Variants in MCU observed in about 807,000 individuals in gnomAD.
MCU encodes calcium uniporter protein, mitochondrial.
MCU carries 12 observed loss-of-function variants against 45.2 expected under a neutral mutation model. The ratio of observed to expected loss-of-function variants is 0.27; its 90% confidence interval spans 0.17 to 0.43. The LOEUF (loss-of-function observed/expected upper bound fraction) is 0.43, where lower values mean the gene tolerates loss of function less well. Ranked by LOEUF, MCU falls within the 20% of genes least tolerant of loss-of-function variation. The pLI, the probability that MCU is intolerant of heterozygous loss-of-function variation, is 1.00. For missense variants in MCU, 324 were observed against 436.7 expected, an observed-to-expected ratio of 0.74 and a Z score of 2.30; for synonymous variants, 160 against 165.1, an observed-to-expected ratio of 0.97 and a Z score of 0.24.
At chr10:72,732,342 A>T (rs1843187778) in intron 1 of MCU, among the ~76,000 whole-genome samples, 1 of 152,200 alleles carries the variant, frequency 6.6e-6, no homozygotes, top group Non-Finnish European at 1.5e-5. Flanking sequence ...CTATTCATTT[A>T]GTTAATCTAT....
intron 1 of MCU, among the ~76,000 whole-genome samples, chr10:72,792,485 AG>A (rs1287116930): frequency 6.6e-6 from 1 of 152,136 alleles, no homozygotes; most frequent in Non-Finnish European, 1.5e-5. Context: ...GAACAAAGAA[AG>A]GTGGTCAGAG....
At chr10:72,759,412 TTA>T (rs758092770) in intron 1 of MCU, among the ~76,000 whole-genome samples, 11 of 152,168 alleles carry the variant, frequency 7.2e-5, no homozygotes, top group Non-Finnish European at 1.2e-4. Flanking sequence ...GGGTCAGTCT[TTA>T]ACTACCAGGC....
chr10:72,823,893 C>T (rs1844752279), intron 1 of MCU, among the ~76,000 whole-genome samples: 1 of 151,894 alleles, frequency 6.6e-6, no homozygotes, highest in South Asian at 2.1e-4. Context: ...AACCTCATCT[C>T]CACAAAAATT....
intron 1 of MCU, among the ~76,000 whole-genome samples, chr10:72,805,178 TTTCCTTCC>T (rs375373722): frequency 1.3e-4 from 18 of 140,440 alleles, no homozygotes; most frequent in Non-Finnish European, 1.9e-4. Flanking sequence ...TCTCTCTCTC[TTTCCTTCC>T]TTCCTTCCTT....
intron 2 of MCU, among the ~76,000 whole-genome samples, chr10:72,841,659 A>T (rs1338545864): frequency 6.6e-6 from 1 of 152,172 alleles, no homozygotes; most frequent in Non-Finnish European, 1.5e-5. Flanking sequence ...GCATCTTCCA[A>T]ACTTAGCAAT....
chr10:72,699,548 T>C (rs1354604859), intron 1 of MCU, among the ~76,000 whole-genome samples: 1 of 150,334 alleles, frequency 6.7e-6, no homozygotes, highest in African/African-American at 2.4e-5. Flanking sequence ...TAGAGTTCAG[T>C]AAGACCTTAT....
chr10:72,852,439 C>T (rs1845221400), intron 2 of MCU, among the ~76,000 whole-genome samples: 1 of 152,188 alleles, frequency 6.6e-6, no homozygotes, highest in African/African-American at 2.4e-5. Context: ...AATCGTACAT[C>T]CATGAAGTAT....
chr10:72,793,064 A>G (rs1465158171), intron 1 of MCU, among the ~76,000 whole-genome samples: 2 of 151,984 alleles, frequency 1.3e-5, no homozygotes, highest in Non-Finnish European at 2.9e-5. Context: ...TTTTTAGTAG[A>G]CACAGGGTTT....
intron 1 of MCU, among the ~76,000 whole-genome samples, chr10:72,751,927 C>T (rs975286467): frequency 6.6e-6 from 1 of 151,886 alleles, no homozygotes; most frequent in South Asian, 2.1e-4. Flanking sequence ...GCAGCCTCCA[C>T]CTCCTGGGTT....
chr10:72,860,390 A>T (rs1178305711), intron 3 of MCU, 33 bp from the exon 4 acceptor site: 1 of 1,537,996 alleles, frequency 6.5e-7, no homozygotes, highest in African/African-American at 1.4e-5. Flanking sequence ...ATAATTATGG[A>T]CCTATGACAA....
At chr10:72,804,843 C>T (rs1038319812) in intron 1 of MCU, among the ~76,000 whole-genome samples, 1 of 152,224 alleles carries the variant, frequency 6.6e-6, no homozygotes, top group East Asian at 1.9e-4. Flanking sequence ...GTGATCACAG[C>T]TCACTGCAGC....
At chr10:72,743,604 C>A (rs1247764374) in intron 1 of MCU, among the ~76,000 whole-genome samples, 4 of 151,936 alleles carry the variant, frequency 2.6e-5, no homozygotes, top group African/African-American at 9.7e-5. Flanking sequence ...AGGTGCTATG[C>A]AAGTCATGTT....
At chr10:72,824,517 C>T (rs919786979) in intron 1 of MCU, among the ~76,000 whole-genome samples, 1 of 151,858 alleles carries the variant, frequency 6.6e-6, no homozygotes, top group Non-Finnish European at 1.5e-5. Context: ...CCCATGATGT[C>T]TATTTTTCCA....
intron 1 of MCU, among the ~76,000 whole-genome samples, chr10:72,825,071 C>T (rs1844776205): frequency 6.6e-6 from 1 of 151,972 alleles, no homozygotes; most frequent in African/African-American, 2.4e-5. Context: ...TTTTTTTATT[C>T]TATCCTAGCT....
At chr10:72,692,883 C>CTG (rs142654513) in intron 1 of MCU, 3 of 1,462,218 alleles carry the variant, frequency 2.1e-6, no homozygotes, top group African/African-American at 2.8e-5. Flanking sequence ...GTGACTTCCT[C>CTG]TGTGTGTGTG....
chr10:72,869,983 T>TTA (rs202191549), intron 5 of MCU, among the ~76,000 whole-genome samples: 15 of 152,280 alleles, frequency 9.9e-5, no homozygotes, highest in East Asian at 5.8e-4. Context: ...CTATACGCAT[T>TTA]TATATATATA....
intron 2 of MCU, among the ~76,000 whole-genome samples, chr10:72,837,617 G>C (rs1033155499): frequency 6.6e-6 from 1 of 152,080 alleles, no homozygotes; most frequent in East Asian, 1.9e-4. Flanking sequence ...TCTAAAACAC[G>C]TGGTCTTAGA....
intron 1 of MCU, among the ~76,000 whole-genome samples, chr10:72,784,894 G>A (rs1426560068): frequency 1.3e-5 from 2 of 152,148 alleles, no homozygotes; most frequent in Admixed American, 1.3e-4. Flanking sequence ...CCTTGTTGGA[G>A]TGAGGAGCAA....
At chr10:72,776,708 T>C (rs1239096952) in intron 1 of MCU, among the ~76,000 whole-genome samples, 1 of 151,102 alleles carries the variant, frequency 6.6e-6, no homozygotes, top group Non-Finnish European at 1.5e-5. Flanking sequence ...ATACTAGAAG[T>C]CCTGGCCAGA....
Sources: allele counts gnomAD v4.1 joint callset (sites outside exome capture counted in the v4.1 genomes callset), GRCh38; gene constraint gnomAD v4.1.1; transcripts MANE v1.5; gene names NCBI Gene and HGNC (gene_info 2026-07-23, HGNC 2026-07-21).